Variants in NHSL1 observed in about 807,000 individuals in gnomAD.
NHSL1 encodes the protein NHS-like protein 1.
Under a neutral mutation model 95.0 loss-of-function variants are expected in NHSL1, and 48 were observed. The observed-to-expected ratio is 0.51, with a 90% CI of 0.40 to 0.64. The LOEUF (loss-of-function observed/expected upper bound fraction) is 0.64, where lower values mean the gene tolerates loss of function less well. Ranked by LOEUF, NHSL1 falls within the 30% of genes least tolerant of loss-of-function variation. The probability of loss-of-function intolerance (pLI) is 0.00; values close to 1 mark genes in which losing one functional copy is unlikely to be tolerated. For missense variants in NHSL1, 1,971 were observed against 2,077.7 expected (o/e 0.95, Z 1.00); for synonymous variants, 783 against 833.9 (o/e 0.94, Z 1.05).
rs144554879 is a variant in NHSL1 at position 138,630,690 on chromosome 6, T to C, written c.96+61786A>G. The stretch of plus-strand genomic sequence containing the variant: ...GTGAGTAACGCACCCAGCCTTAAGT[T>C]TCCATTTTTATAATCAATTTCATTT... On this transcript the variant is annotated intron_variant, in intron 1 of 3. Transcript: ENST00000491526. Among the ~76,000 whole-genome samples, 263 of 152,254 alleles carry C rather than the reference T, an allele frequency of 1.7e-3. 3 individuals are homozygous for C. Among genetic ancestry groups the C allele is most frequent in the East Asian group, 0.014 (72 of 5,182 alleles).
intron 1 of NHSL1, among the ~76,000 whole-genome samples, chr6:138,566,323 G>A (rs1457135185): frequency 2.6e-5 from 4 of 151,976 alleles, no homozygotes; most frequent in East Asian, 3.9e-4. Context: ...ACTAGAACCC[G>A]GGAGGCAGAA....
rs146123284 is a variant in NHSL1 at position 138,587,118 on chromosome 6, G to A, written c.97-90747C>T. Among the ~76,000 whole-genome samples the A allele has an allele frequency of 8.1e-3, 1,236 of 151,912 alleles. 5 individuals carry two copies. The highest frequency in any genetic ancestry group is 0.013 in the Non-Finnish European group (892 of 67,938). On this transcript the variant is annotated intron_variant, in intron 1 of 3. Coordinates refer to the NHSL1 transcript ENST00000491526. ...CTCTCGAGTAACTGGGATTACAGGCGCATGCCACCATGCCCGGCTAATTTT... is the reference window on the plus strand; with the variant it reads ...CTCTCGAGTAACTGGGATTACAGGCACATGCCACCATGCCCGGCTAATTTT...
intron 2 of NHSL1, among the ~76,000 whole-genome samples, chr6:138,492,940 C>A (rs1053257918): frequency 1.3e-5 from 2 of 152,146 alleles, no homozygotes; most frequent in African/African-American, 4.8e-5. Flanking sequence ...TGAACTTAGA[C>A]TGATAATTTA....
chr6:138,639,274 A>G (rs1221953792), intron 1 of NHSL1, among the ~76,000 whole-genome samples: 1 of 152,250 alleles, frequency 6.6e-6, no homozygotes, highest in African/African-American at 2.4e-5. Context: ...AATTTGGTAT[A>G]AAGTATATTT....
intron 1 of NHSL1, among the ~76,000 whole-genome samples, chr6:138,551,857 T>C (rs1407383644): frequency 2.0e-5 from 3 of 152,206 alleles, no homozygotes; most frequent in Non-Finnish European, 4.4e-5. Flanking sequence ...TCCGAGCCTG[T>C]ATCCTGTTTG....
chr6:138,463,572 C>G (rs577673088), intron 3 of NHSL1, among the ~76,000 whole-genome samples: 1 of 149,230 alleles, frequency 6.7e-6, no homozygotes, highest in African/African-American at 2.5e-5. Context: ...ATGAGCTGAA[C>G]GTGCAGGTTT....
At chr6:138,558,324 G>A (rs766067456) in intron 1 of NHSL1, among the ~76,000 whole-genome samples, 7 of 150,810 alleles carry the variant, frequency 4.6e-5, no homozygotes, top group East Asian at 2.0e-4. Context: ...TGGTTTCACC[G>A]TGTTAGCCAG....
At chr6:138,635,750 C>A (rs555722857) in intron 1 of NHSL1, among the ~76,000 whole-genome samples, 19 of 151,960 alleles carry the variant, frequency 1.3e-4, no homozygotes, top group Admixed American at 1.3e-4. Flanking sequence ...AAACAAAAAA[C>A]TACAGAACAA....
At chr6:138,571,494 A>G (rs1783837658) in intron 1 of NHSL1, 1 of 547,376 alleles carries the variant, frequency 1.8e-6, no homozygotes, top group South Asian at 2.2e-5. Context: ...CAGCTACTTT[A>G]TCTTTCTTTG....
intron 1 of NHSL1, among the ~76,000 whole-genome samples, chr6:138,534,902 T>C (rs917060157): frequency 2.6e-5 from 4 of 152,240 alleles, no homozygotes; most frequent in African/African-American, 9.6e-5. Context: ...CTTTTCCTTT[T>C]CTTCCAGACT....
At chr6:138,627,767 G>A (rs1197014409) in intron 1 of NHSL1, among the ~76,000 whole-genome samples, 3 of 152,102 alleles carry the variant, frequency 2.0e-5, no homozygotes, top group Admixed American at 6.6e-5. Flanking sequence ...TGTAATCCCA[G>A]CTACTCAGGA....
intron 1 of NHSL1, among the ~76,000 whole-genome samples, chr6:138,506,561 T>A (rs1562335771): frequency 1.3e-5 from 2 of 152,200 alleles, no homozygotes; most frequent in African/African-American, 4.8e-5. Context: ...AAATATTGAA[T>A]GGGATACACT....
chr6:138,567,848 G>A (rs1783677371), intron 1 of NHSL1, among the ~76,000 whole-genome samples: 2 of 152,122 alleles, frequency 1.3e-5, no homozygotes, highest in African/African-American at 4.8e-5. Context: ...ATGAAACATT[G>A]TTCAAAGCAA....
In NHSL1 at chr6:138,499,337, G is replaced by T. The variant is rs1780548674; in HGVS notation, c.-47C>A. On this transcript the variant is annotated 5_prime_UTR_variant, in exon 1 of 8. Coordinates refer to ENST00000343505, the MANE Select transcript of NHSL1 (RefSeq NM_001144060.2). Reference sequence around the variant, plus strand: ...CTTAGAAATGTAAATCACATTAAAAGCTCAGCCCAGTAGGCAGGTGGCAAG... The same window carrying T: ...CTTAGAAATGTAAATCACATTAAAATCTCAGCCCAGTAGGCAGGTGGCAAG... 2.6e-6 allele frequency: 4 copies of T among 1,546,200 alleles called. No individual in the cohort carries two copies. Among genetic ancestry groups the T allele is most frequent in the Non-Finnish European group, 3.5e-6 (4 of 1,144,240 alleles).
intron 1 of NHSL1, among the ~76,000 whole-genome samples, chr6:138,561,180 A>T (rs1783395581): frequency 6.6e-6 from 1 of 152,236 alleles, no homozygotes; most frequent in Non-Finnish European, 1.5e-5. Flanking sequence ...TAAAACATAA[A>T]AACAAACCTA....
At position 138,566,462 on chromosome 6, in the gene NHSL1, AAAG is replaced by A. The variant is rs533945520; in HGVS notation, c.202+5245_202+5247del. Among the ~76,000 whole-genome samples the A allele has an allele frequency of 2.0e-3, 301 of 152,234 alleles. 1 individual carries two copies. The highest frequency in any genetic ancestry group is 3.5e-3 in the Non-Finnish European group (235 of 68,016). On this transcript the variant is annotated intron_variant, in intron 1 of 6. Transcript: ENST00000427025. ...TAAACTGTTCATAAAGATCAGTTTC[AAAG>A]AAGGTTTCCATAACTTAGCAAAGAC... is the stretch of plus-strand genomic sequence containing the variant.
intron 1 of NHSL1, among the ~76,000 whole-genome samples, chr6:138,602,578 A>G (rs1562388448): frequency 6.6e-6 from 1 of 152,114 alleles, no homozygotes; most frequent in Non-Finnish European, 1.5e-5. Context: ...CTGACCTCTG[A>G]CGATCCTGCC....
At chr6:138,605,601 CCCA>C (rs1469676232) in intron 1 of NHSL1, among the ~76,000 whole-genome samples, 1 of 152,206 alleles carries the variant, frequency 6.6e-6, no homozygotes, top group African/African-American at 2.4e-5. Flanking sequence ...ATTGTGTCTA[CCCA>C]CCACGACTTT....
intron 1 of NHSL1, among the ~76,000 whole-genome samples, chr6:138,627,795 C>T (rs375275278): frequency 4.0e-5 from 6 of 151,812 alleles, no homozygotes; most frequent in African/African-American, 9.7e-5. Context: ...GCAGGAGAAT[C>T]GCTTGAACCT....
Sources: gnomAD v4.1 joint callset for allele counts (sites outside exome capture counted in the v4.1 genomes callset) on GRCh38, gnomAD v4.1.1 for gene constraint, MANE v1.5 for transcripts, NCBI Gene and HGNC (gene_info 2026-07-23, HGNC 2026-07-21) for gene names.